Variants in LDLRAD4 observed in about 807,000 individuals in gnomAD.
LDLRAD4 encodes low density lipoprotein receptor class A domain containing 4.
LDLRAD4 carries 5 observed loss-of-function variants against 17.0 expected under a neutral mutation model. The observed-to-expected ratio is 0.29, with a 90% CI of 0.15 to 0.62. The LOEUF (loss-of-function observed/expected upper bound fraction) is 0.62, where lower values mean the gene tolerates loss of function less well. Ranked by LOEUF, LDLRAD4 falls within the 20% of genes least tolerant of loss-of-function variation. LDLRAD4 has a pLI of 0.84. For missense variants in LDLRAD4, 340 were observed against 424.7 expected (o/e 0.80, Z 1.75); for synonymous variants, 168 against 171.8 (o/e 0.98, Z 0.17).
Position 13,387,527 on chromosome 18 carries a change from C to T in LDLRAD4, c.-196C>T, listed in dbSNP as rs981797014. On this transcript the variant is annotated 5_prime_UTR_variant, in exon 2 of 6. Transcript: ENST00000359446. ...GACGGCTGACGGGAGCAGGGACCGC[C>T]GCCGCCCAGGTGCCACACCCAGGTA... is the stretch of plus-strand genomic sequence containing the variant. 5.9e-5 allele frequency: 32 copies of T among 539,220 alleles called. 1 individual carries two copies. In the East Asian group the frequency reaches 9.8e-4, roughly 16 times the overall value. The allele number at this position is 539,220 out of a possible 1,614,324, so 33.4% of individuals were successfully genotyped here.
intron 1 of LDLRAD4, among the ~76,000 whole-genome samples, chr18:13,272,155 A>G (rs1353597481): frequency 6.6e-6 from 1 of 152,090 alleles, no homozygotes; most frequent in African/African-American, 2.4e-5. Flanking sequence ...CAGCCTCCCA[A>G]AGTGCTGGGA....
Position 13,473,638 on chromosome 18 carries a change from TATATATATATATATATATATATA to T in LDLRAD4, c.181+35255_181+35277del, listed in dbSNP as rs1457826243. On this transcript the variant is annotated intron_variant, in intron 3 of 5. Coordinates refer to ENST00000359446, the Ensembl canonical transcript of LDLRAD4. ...GGCAGCACAGTAAGATCCCATCTCA[TATATATATATATATATATATATA>T]TATATATATATATATATAACGTTTA... Among the ~76,000 whole-genome samples, 44 of 31,444 alleles carry T rather than the reference TATATATATATATATATATATATA, an allele frequency of 1.4e-3. 1 individual carries two copies. Among genetic ancestry groups the T allele is most frequent in the African/African-American group, 5.1e-3 (43 of 8,372 alleles). The allele number at this position is 31,444 out of a possible 152,430, so 20.6% of individuals were successfully genotyped here. A position where few individuals can be genotyped will look rare whatever the true frequency, so the allele number is the denominator to read the frequency against.
At chr18:13,595,657 G>GT (rs990156540) in intron 3 of LDLRAD4, among the ~76,000 whole-genome samples, 92 of 151,908 alleles carry the variant, frequency 6.1e-4, no homozygotes, top group African/African-American at 2.1e-3. Flanking sequence ...CCGAATCCAT[G>GT]TTTTTTTTAA....
At chr18:13,404,690 C>T (rs2087559765) in intron 2 of LDLRAD4, among the ~76,000 whole-genome samples, 3 of 151,100 alleles carry the variant, frequency 2.0e-5, no homozygotes, top group African/African-American at 7.3e-5. Flanking sequence ...CCCAGCTACT[C>T]GGGAGGCTGA....
At chr18:13,453,610 C>T (rs974802147) in intron 3 of LDLRAD4, among the ~76,000 whole-genome samples, 1 of 152,140 alleles carries the variant, frequency 6.6e-6, no homozygotes, top group Non-Finnish European at 1.5e-5. Context: ...AACATTTAGC[C>T]AAGAGAGGTG....
At chr18:13,414,495 A>T (rs1254113293) in intron 2 of LDLRAD4, among the ~76,000 whole-genome samples, 1 of 152,260 alleles carries the variant, frequency 6.6e-6, no homozygotes. Context: ...TGAATTTTAC[A>T]AAGAGGAGTC....
At chr18:13,374,978 C>T (rs1199072205) in intron 1 of LDLRAD4, among the ~76,000 whole-genome samples, 1 of 152,228 alleles carries the variant, frequency 6.6e-6, no homozygotes, top group Non-Finnish European at 1.5e-5. Context: ...CACTCCCTTC[C>T]CTTCCTGTTC....
At chr18:13,401,380 A>T (rs1354608765) in intron 2 of LDLRAD4, among the ~76,000 whole-genome samples, 1 of 152,098 alleles carries the variant, frequency 6.6e-6, no homozygotes, top group African/African-American at 2.4e-5. Flanking sequence ...GAAAAAAAAA[A>T]AAAAAACTGT....
chr18:13,601,499 G>A (rs771226394), intron 3 of LDLRAD4, among the ~76,000 whole-genome samples: 2 of 152,072 alleles, frequency 1.3e-5, no homozygotes, highest in East Asian at 1.9e-4. Flanking sequence ...GCAGAGAAAA[G>A]GGAACACTTC....
At chr18:13,598,718 G>GT (rs746305137) in intron 3 of LDLRAD4, among the ~76,000 whole-genome samples, 1 of 152,226 alleles carries the variant, frequency 6.6e-6, no homozygotes, top group Admixed American at 6.5e-5. Flanking sequence ...TCTAAATAAA[G>GT]TAAGTTTTCG....
At chr18:13,403,223 T>C (rs1197838974) in intron 2 of LDLRAD4, among the ~76,000 whole-genome samples, 5 of 152,238 alleles carry the variant, frequency 3.3e-5, no homozygotes, top group Non-Finnish European at 5.9e-5. Context: ...AATTTTTACT[T>C]TCTTACCCTT....
At chr18:13,513,885 A>C (rs1053388883) in intron 3 of LDLRAD4, among the ~76,000 whole-genome samples, 1 of 152,234 alleles carries the variant, frequency 6.6e-6, no homozygotes, top group Admixed American at 6.5e-5. Flanking sequence ...AACTTGGAGA[A>C]ATTCAGATAG....
chr18:13,411,719 A>G (rs1232455189), intron 2 of LDLRAD4, among the ~76,000 whole-genome samples: 1 of 151,932 alleles, frequency 6.6e-6, no homozygotes, highest in African/African-American at 2.4e-5. Context: ...AGTCCATTAA[A>G]CCTCTTTCCT....
intron 5 of LDLRAD4, among the ~76,000 whole-genome samples, chr18:13,644,660 G>T (rs1271782063): frequency 6.6e-6 from 1 of 152,142 alleles, no homozygotes; most frequent in African/African-American, 2.4e-5. Flanking sequence ...AAGTTCTAGA[G>T]CTGGCAGGGA....
intron 2 of LDLRAD4, among the ~76,000 whole-genome samples, chr18:13,436,211 G>A (rs2090643833): frequency 6.6e-6 from 1 of 152,216 alleles, no homozygotes; most frequent in Non-Finnish European, 1.5e-5. Context: ...TAAGCTCTTT[G>A]AAGAGGGCTA....
At chr18:13,229,815 G>A (rs867638641) in intron 1 of LDLRAD4, among the ~76,000 whole-genome samples, 4 of 152,186 alleles carry the variant, frequency 2.6e-5, no homozygotes, top group South Asian at 2.1e-4. Flanking sequence ...CCAAACTGGT[G>A]GAAGACAGGT....
intron 2 of LDLRAD4, among the ~76,000 whole-genome samples, chr18:13,421,935 T>C (rs1314042181): frequency 6.6e-6 from 1 of 152,250 alleles, no homozygotes; most frequent in Non-Finnish European, 1.5e-5. Context: ...CTGCAGTCAC[T>C]GACTCCTTAG....
chr18:13,234,098 G>A (rs1250289032), intron 1 of LDLRAD4, among the ~76,000 whole-genome samples: 2 of 152,214 alleles, frequency 1.3e-5, no homozygotes, highest in East Asian at 1.9e-4. Flanking sequence ...AGCAGTGCTC[G>A]TGTGTCCTCT....
At position 13,529,874 on chromosome 18, in the gene LDLRAD4, G is replaced by T. The variant is rs556389470; in HGVS notation, c.182-91243G>T. Among the ~76,000 whole-genome samples, 12 of 152,272 alleles carry T rather than the reference G, an allele frequency of 7.9e-5. No individual in the cohort carries two copies. The South Asian group carries it at 2.1e-3, about 26-fold the overall frequency. On this transcript the variant is annotated intron_variant, in intron 3 of 5. Coordinates refer to ENST00000359446, the Ensembl canonical transcript of LDLRAD4. ...GACTTCCATGGCACCATCCCACCGA[G>T]GTGGAAGAGGTTCCGTTTTGAAGCA...
Sources: gnomAD v4.1 joint callset for allele counts (sites outside exome capture counted in the v4.1 genomes callset) on GRCh38, gnomAD v4.1.1 for gene constraint, MANE v1.5 for transcripts, NCBI Gene and HGNC (gene_info 2026-07-23, HGNC 2026-07-21) for gene names.